Variants in SARDH observed in about 807,000 individuals in gnomAD.
SARDH encodes the protein sarcosine dehydrogenase, mitochondrial.
SARDH carries 95 observed loss-of-function variants against 109.1 expected under a neutral mutation model. The ratio of observed to expected loss-of-function variants is 0.87; its 90% CI spans 0.74 to 1.03. The LOEUF is 1.03. Ranked by LOEUF, SARDH falls within the 50% of genes least tolerant of loss-of-function variation. The pLI is 0.00. For synonymous variants in SARDH, 572 were observed against 534.8 expected (o/e 1.07, Z -0.96); for missense variants, 1,267 against 1,287.8 (o/e 0.98, Z 0.25).
At chr9:133,696,946 A>C (rs1362317130) in intron 13 of SARDH, among the ~76,000 whole-genome samples, 1 of 152,134 alleles carries the variant, frequency 6.6e-6, no homozygotes, top group Non-Finnish European at 1.5e-5. Flanking sequence ...AACCCAAAGC[A>C]AGCAGAAGGA....
In SARDH at chr9:133,712,121, T is replaced by C. The variant is rs1831943919; in HGVS notation, c.1328+498A>G. Among the ~76,000 whole-genome samples, 1 of 152,136 alleles carries C rather than the reference T, an allele frequency of 6.6e-6. No individual in the cohort carries two copies. Among genetic ancestry groups the C allele is most frequent in the South Asian group, 2.1e-4 (1 of 4,832 alleles). The stretch of plus-strand genomic sequence containing the variant: ...TCACCAGTACAAATGCCCTCCCTGC[T>C]CCCAGAACCTCCACAGCCCCTCCCC... On this transcript the variant is annotated intron_variant, in intron 10 of 20. Coordinates refer to ENST00000439388, the MANE Select transcript of SARDH (RefSeq NM_001134707.2). This position sits in a 1 kb window ranked among gnomAD's most constrained non-coding sequence, Gnocchi z 4.1.
At chr9:133,667,138 C>T (rs1167979763) in intron 19 of SARDH, 2 of 578,428 alleles carry the variant, frequency 3.5e-6, no homozygotes, top group African/African-American at 1.9e-5. Flanking sequence ...GAAGCGAGCC[C>T]CGTATATTTG....
chr9:133,690,199 C>T (rs1426862874), intron 16 of SARDH, among the ~76,000 whole-genome samples, 181 bp downstream of exon 16: 14 of 152,126 alleles, frequency 9.2e-5, no homozygotes, highest in African/African-American at 3.4e-4. Flanking sequence ...CTCGTGTTAC[C>T]GGCTTATCTG....
chr9:133,690,923 C>A (rs545123166), intron 15 of SARDH, among the ~76,000 whole-genome samples: 94 of 152,242 alleles, frequency 6.2e-4, no homozygotes, highest in African/African-American at 2.0e-3. Context: ...GTAAAAGGGG[C>A]AGACCCACAA....
At chr9:133,699,039 A>C (rs1177540068) in intron 13 of SARDH, among the ~76,000 whole-genome samples, 2 of 152,224 alleles carry the variant, frequency 1.3e-5, no homozygotes, top group Admixed American at 1.3e-4. Context: ...ACTATAAAAA[A>C]ATTTGCAACT....
chr9:133,684,934 T>C (rs1830829986), intron 17 of SARDH, among the ~76,000 whole-genome samples: 2 of 152,170 alleles, frequency 1.3e-5, no homozygotes. Context: ...CCACCTTCCC[T>C]GGGACTGAGT....
At chr9:133,716,089 C>T (rs1421807056) in intron 8 of SARDH, among the ~76,000 whole-genome samples, 1 of 152,212 alleles carries the variant, frequency 6.6e-6, no homozygotes, top group Non-Finnish European at 1.5e-5. Flanking sequence ...ATCACGTATC[C>T]GCGGCAGGCC....
At position 133,694,364 on chromosome 9, in the gene SARDH, G is replaced by A. The variant is rs976134815; in HGVS notation, c.1815C>T (p.Thr605=). The change falls in exon 15 of 21, where the codon ACC becomes ACT. Residue 605 remains threonine (T), a synonymous_variant. Coordinates refer to ENST00000439388, the MANE Select transcript of SARDH (RefSeq NM_001134707.2). ...SADVSRPPGS[T]VYTCMLNHRG... Reference sequence around the variant, plus strand: ...GGTGGTTGAGCATGCACGTGTACACGGTGGAGCCTGCGAGAGGGAGAAGGA... The same window carrying A: ...GGTGGTTGAGCATGCACGTGTACACAGTGGAGCCTGCGAGAGGGAGAAGGA... 2.1e-5 allele frequency: 33 copies of A among 1,550,354 alleles called. No homozygotes were observed. Among genetic ancestry groups the A allele is most frequent in the East Asian group, 7.3e-5 (3 of 40,932 alleles).
upstream of SARDH, among the ~76,000 whole-genome samples, chr9:133,739,052 G>A (rs145481025): frequency 5.3e-5 from 8 of 152,282 alleles, no homozygotes; most frequent in East Asian, 5.8e-4. Context: ...GAGGCAGACC[G>A]GATGCTGCAG....
chr9:133,720,361 A>G (rs1030455856), intron 6 of SARDH, among the ~76,000 whole-genome samples: 5 of 151,836 alleles, frequency 3.3e-5, no homozygotes, highest in Non-Finnish European at 7.4e-5. Flanking sequence ...CTGGGAGGCG[A>G]AGGTTGCAGT....
chr9:133,730,462 C>CTTTT (rs66513485), intron 4 of SARDH, among the ~76,000 whole-genome samples: 7 of 76,418 alleles, frequency 9.2e-5, no homozygotes, highest in African/African-American at 3.2e-4. Context: ...AAGTAGCTGA[C>CTTTT]TTTTTTTTAA....
In SARDH at chr9:133,712,878, C is replaced by A. The variant is rs1831978621; in HGVS notation, c.1237+160G>T. 1 of 930,090 alleles carries A rather than the reference C, an allele frequency of 1.1e-6. No homozygotes were observed. Among genetic ancestry groups the A allele is most frequent in the Non-Finnish European group, 1.6e-6 (1 of 609,228 alleles). The allele number at this position is 930,090 out of a possible 1,614,324, so 57.6% of individuals were successfully genotyped here. Reference sequence around the variant, plus strand: ...ACTGCTGCTGGACTGGACCCTGGCACAGGTGCACTCTCTGGGAAGCAGAAG... The same window carrying A: ...ACTGCTGCTGGACTGGACCCTGGCAAAGGTGCACTCTCTGGGAAGCAGAAG... On this transcript the variant is annotated intron_variant, in intron 9 of 20. Coordinates refer to ENST00000439388, the MANE Select transcript of SARDH (RefSeq NM_001134707.2). This position sits in a 1 kb window ranked among gnomAD's most constrained non-coding sequence, Gnocchi z 4.1.
At chr9:133,694,525 GCTC>G (rs1462794716) in intron 14 of SARDH, among the ~76,000 whole-genome samples, 154 bp from the exon 15 acceptor site, 1 of 152,220 alleles carries the variant, frequency 6.6e-6, no homozygotes, top group East Asian at 1.9e-4. Flanking sequence ...GACCTGGAGA[GCTC>G]CTCAGCCCAG....
At chr9:133,685,058 C>T in intron 17 of SARDH, 135 bp downstream of exon 17, 3 of 676,248 alleles carry the variant, frequency 4.4e-6, no homozygotes, top group Middle Eastern at 4.0e-4. Flanking sequence ...CACTGTCCCC[C>T]CTTCACAGTT....
rs553630541 is a variant in SARDH at position 133,712,290 on chromosome 9, C to A, written c.1328+329G>T. 1.3e-5 allele frequency among the ~76,000 whole-genome samples: 2 copies of A among 152,290 alleles called. No individual in the cohort carries two copies. Among genetic ancestry groups the A allele is most frequent in the South Asian group, 4.1e-4 (2 of 4,828 alleles). ...ACTCAGCACAGTTTTCCCAGCTCAG[C>A]CCCGCTCCCTCCTGCCCCCAGGCCT... On this transcript the variant is annotated intron_variant, in intron 10 of 20. Coordinates refer to ENST00000439388, the MANE Select transcript of SARDH (RefSeq NM_001134707.2). This position sits in a 1 kb window ranked among gnomAD's most constrained non-coding sequence, Gnocchi z 4.1.
intron 19 of SARDH, among the ~76,000 whole-genome samples, chr9:133,669,483 C>T (rs1401843024): frequency 6.6e-6 from 1 of 151,428 alleles, no homozygotes; most frequent in Non-Finnish European, 1.5e-5. Flanking sequence ...GCTTCAGACC[C>T]CCGTGGGCAC....
chr9:133,739,375 T>G (rs1832987181), upstream of SARDH, among the ~76,000 whole-genome samples: 1 of 152,220 alleles, frequency 6.6e-6, no homozygotes, highest in Non-Finnish European at 1.5e-5. Context: ...TGCCAGCTTG[T>G]CTATCCTCTA....
Position 133,713,087 on chromosome 9 carries a change from C to G in SARDH, c.1188G>C (p.Glu396Asp). ...GGAAGAACCCTCGGAGCTCAGGTGC[C>G]TCCCCCATCAGGGGCTTGTGGTCGG... Reference protein sequence around the residue: ...FTPDHKPLMGEAPELRGFFLG... With the variant: ...FTPDHKPLMGDAPELRGFFLG... Residue 396 changes from glutamate to aspartate, a missense_variant, in exon 9 of 21, where the codon GAG (glutamate) becomes GAC (aspartate). Transcript: ENST00000439388. 6.2e-7 allele frequency: 1 copy of G among 1,613,504 alleles called. No homozygotes were observed. Among genetic ancestry groups the G allele is most frequent in the South Asian group, 1.1e-5 (1 of 90,958 alleles).
At chr9:133,703,133 C>T (rs1453361709) in intron 12 of SARDH, 104 bp from the exon 13 acceptor site, 15 of 1,010,874 alleles carry the variant, frequency 1.5e-5, no homozygotes, top group Non-Finnish European at 2.1e-5. Flanking sequence ...AGGCCTGGCC[C>T]TGCCCTCGGA....
Sources: gnomAD v4.1 joint callset for allele counts (sites outside exome capture counted in the v4.1 genomes callset) on GRCh38, gnomAD v4.1.1 for gene constraint, Gnocchi (gnomAD v3.1) non-coding constraint, MANE v1.5 for transcripts, NCBI Gene and HGNC (gene_info 2026-07-23, HGNC 2026-07-21) for gene names.